Variants in SMAP1 observed in about 807,000 individuals in gnomAD.
SMAP1 encodes stromal membrane-associated protein 1.
SMAP1 carries 24 observed loss-of-function variants against 58.5 expected under a neutral mutation model. That is an observed-to-expected ratio of 0.41 (90% CI 0.30 to 0.58). The LOEUF is 0.58. SMAP1 is among the 20% of genes least tolerant of loss of function. SMAP1 has a pLI of 0.29. For synonymous variants in SMAP1, 216 were observed against 196.6 expected, an observed-to-expected ratio of 1.10 and a Z score of -0.82; for missense variants, 563 against 566.3, an observed-to-expected ratio of 0.99 and a Z score of 0.06.
intron 4 of SMAP1, 62 bp downstream of exon 4, chr6:70,773,487 C>A: frequency 2.3e-6 from 2 of 867,072 alleles, no homozygotes; most frequent in African/African-American, 1.7e-5. Context: ...TTTTAACATG[C>A]AATACAGCTT....
chr6:70,691,310 T>A (rs998937371), intron 1 of SMAP1, among the ~76,000 whole-genome samples: 2 of 152,190 alleles, frequency 1.3e-5, no homozygotes, highest in Non-Finnish European at 2.9e-5. Flanking sequence ...TTTTTTAAAA[T>A]TTTTATGGGT....
At chr6:70,809,294 T>TA (rs891148727) in intron 6 of SMAP1, among the ~76,000 whole-genome samples, 13 of 151,996 alleles carry the variant, frequency 8.6e-5, no homozygotes, top group Admixed American at 8.5e-4. Flanking sequence ...AATAATGATT[T>TA]AAAAAAAATT....
chr6:70,717,490 C>T (rs1470011493), intron 1 of SMAP1, among the ~76,000 whole-genome samples: 1 of 152,214 alleles, frequency 6.6e-6, no homozygotes, highest in Non-Finnish European at 1.5e-5. Context: ...TTGTTTGGCA[C>T]AGTGCACAGG....
At chr6:70,826,495 G>A (rs746101376) in intron 6 of SMAP1, among the ~76,000 whole-genome samples, 2 of 152,080 alleles carry the variant, frequency 1.3e-5, no homozygotes, top group East Asian at 1.9e-4. Context: ...CTGGCATGGT[G>A]TCTCACACCT....
At chr6:70,771,953 G>A (rs1767342095) in intron 3 of SMAP1, among the ~76,000 whole-genome samples, 1 of 152,182 alleles carries the variant, frequency 6.6e-6, no homozygotes, top group Non-Finnish European at 1.5e-5. Flanking sequence ...GTTGCTGGTG[G>A]CTGGAGCTGT....
chr6:70,787,294 T>C (rs1248127546), intron 4 of SMAP1, among the ~76,000 whole-genome samples: 3 of 152,230 alleles, frequency 2.0e-5, no homozygotes, highest in South Asian at 2.1e-4. Context: ...ATACAAAAAT[T>C]AATTCAAGAT....
intron 6 of SMAP1, among the ~76,000 whole-genome samples, chr6:70,817,010 A>G (rs1309214427): frequency 6.6e-6 from 1 of 151,858 alleles, no homozygotes; most frequent in Non-Finnish European, 1.5e-5. Flanking sequence ...ATTGCATCTA[A>G]CAAGTCCCCC....
At chr6:70,742,611 C>T (rs1265403241) in intron 2 of SMAP1, among the ~76,000 whole-genome samples, 1 of 152,232 alleles carries the variant, frequency 6.6e-6, no homozygotes, top group African/African-American at 2.4e-5. Flanking sequence ...CTGTTCCAGC[C>T]TCTGCCTGTT....
intron 4 of SMAP1, among the ~76,000 whole-genome samples, chr6:70,782,687 G>A (rs1767812881): frequency 6.6e-6 from 1 of 152,042 alleles, no homozygotes. Context: ...TGCCTTCTTG[G>A]TCCTCCCCTG....
intron 1 of SMAP1, among the ~76,000 whole-genome samples, chr6:70,707,238 T>C (rs1282727029): frequency 6.6e-6 from 1 of 152,220 alleles, no homozygotes; most frequent in Non-Finnish European, 1.5e-5. Context: ...ATAAACATCA[T>C]CTCTGAATAT....
chr6:70,715,684 G>C (rs1408366033), intron 1 of SMAP1, among the ~76,000 whole-genome samples: 1 of 151,968 alleles, frequency 6.6e-6, no homozygotes. Flanking sequence ...AGAGGTGGAG[G>C]GTTTTGGGAT....
intron 6 of SMAP1, among the ~76,000 whole-genome samples, chr6:70,812,677 T>G (rs1362496713): frequency 6.6e-6 from 1 of 152,176 alleles, no homozygotes; most frequent in African/African-American, 2.4e-5. Flanking sequence ...AGATAATCAA[T>G]TGCTTACAGA....
At chr6:70,816,145 A>C (rs1769619460) in intron 6 of SMAP1, among the ~76,000 whole-genome samples, 1 of 152,154 alleles carries the variant, frequency 6.6e-6, no homozygotes, top group African/African-American at 2.4e-5. Context: ...TGAGCTTTGA[A>C]ACATTGTTAG....
At chr6:70,689,048 G>A (rs957792221) in intron 1 of SMAP1, among the ~76,000 whole-genome samples, 1 of 151,760 alleles carries the variant, frequency 6.6e-6, no homozygotes, top group Non-Finnish European at 1.5e-5. Flanking sequence ...CACCCAGGCT[G>A]GAATGCAGTG....
intron 4 of SMAP1, among the ~76,000 whole-genome samples, chr6:70,782,461 A>G (rs1025834284): frequency 7.2e-5 from 11 of 152,250 alleles, no homozygotes; most frequent in Admixed American, 7.2e-4. Context: ...AGTTGAACAA[A>G]GAATACTGAT....
chr6:70,797,069 A>T (rs752618947), intron 5 of SMAP1, among the ~76,000 whole-genome samples: 12 of 152,174 alleles, frequency 7.9e-5, no homozygotes, highest in Non-Finnish European at 1.5e-4. Context: ...ATAAAAGGTT[A>T]AAAAGAGAAA....
chr6:70,836,453 C>G (rs1468028076), intron 6 of SMAP1, among the ~76,000 whole-genome samples: 1 of 152,118 alleles, frequency 6.6e-6, no homozygotes, highest in Non-Finnish European at 1.5e-5. Context: ...GGTGGAGACA[C>G]AGAACGAAAC....
intron 4 of SMAP1, among the ~76,000 whole-genome samples, chr6:70,781,308 A>G (rs535688011): frequency 2.6e-5 from 4 of 152,134 alleles, no homozygotes; most frequent in African/African-American, 4.8e-5. Context: ...TAAGTTTTCA[A>G]TGTCTTTTAA....
At chr6:70,812,260 G>A (rs1203849843) in intron 6 of SMAP1, among the ~76,000 whole-genome samples, 2 of 152,192 alleles carry the variant, frequency 1.3e-5, no homozygotes, top group African/African-American at 4.8e-5. Flanking sequence ...TAGGTGGAAA[G>A]TAAAATACAC....
Sources: allele counts gnomAD v4.1 joint callset (sites outside exome capture counted in the v4.1 genomes callset), GRCh38; gene constraint gnomAD v4.1.1; transcripts MANE v1.5; gene names NCBI Gene and HGNC (gene_info 2026-07-23, HGNC 2026-07-21).